SIAH3: variants seen among roughly 807,000 people sequenced by gnomAD.
SIAH3 encodes seven in absentia homolog 3.
SIAH3 carries 9 observed loss-of-function variants against 12.6 expected under a neutral mutation model. The ratio of observed to expected loss-of-function variants is 0.72; its 90% CI spans 0.43 to 1.25. The LOEUF (loss-of-function observed/expected upper bound fraction) is 1.25. SIAH3 is among the 50% of genes most tolerant of loss of function. The pLI is 0.00. For missense variants in SIAH3, 390 were observed against 365.4 expected (o/e 1.07, Z -0.55); for synonymous variants, 154 against 151.1 (o/e 1.02, Z -0.14).
At chr13:45,842,677 A>G (rs1950744550) in intron 1 of SIAH3, among the ~76,000 whole-genome samples, 1 of 152,146 alleles carries the variant, frequency 6.6e-6, no homozygotes, top group Non-Finnish European at 1.5e-5. Flanking sequence ...TCTTTACAAC[A>G]ACCATTTTAT....
At chr13:45,796,205 G>C (rs1950562014) in intron 1 of SIAH3, among the ~76,000 whole-genome samples, 1 of 152,070 alleles carries the variant, frequency 6.6e-6, no homozygotes, top group Admixed American at 6.5e-5. Flanking sequence ...GACTAGACTT[G>C]AGATCTGTGT....
intron 1 of SIAH3, among the ~76,000 whole-genome samples, chr13:45,829,675 C>G (rs1232591179): frequency 6.6e-6 from 1 of 152,138 alleles, no homozygotes; most frequent in African/African-American, 2.4e-5. Flanking sequence ...CAGACCTGCG[C>G]TCCCGCCCCC....
At chr13:45,801,101 G>GGGT (rs1555257359) in intron 1 of SIAH3, among the ~76,000 whole-genome samples, 2 of 79,396 alleles carry the variant, frequency 2.5e-5, no homozygotes, top group South Asian at 7.5e-4. Flanking sequence ...GTGGCGGGGG[G>GGGT]GGGCATGGCT....
At chr13:45,801,385 C>T (rs576813219) in intron 1 of SIAH3, among the ~76,000 whole-genome samples, 9 of 152,088 alleles carry the variant, frequency 5.9e-5, no homozygotes, top group South Asian at 4.2e-4. Context: ...TGCTTTCCAC[C>T]GACTGATGAG....
intron 1 of SIAH3, among the ~76,000 whole-genome samples, chr13:45,842,105 T>C (rs1052022050): frequency 2.6e-5 from 4 of 152,218 alleles, no homozygotes; most frequent in African/African-American, 9.7e-5. Context: ...GCTTAAACAC[T>C]GTGTGCTTCA....
At chr13:45,839,447 T>C (rs1464684209) in intron 1 of SIAH3, among the ~76,000 whole-genome samples, 2 of 152,222 alleles carry the variant, frequency 1.3e-5, no homozygotes, top group Admixed American at 1.3e-4. Flanking sequence ...AACATGGTCA[T>C]AGAGCACAAA....
At chr13:45,829,989 T>C (rs572694452) in intron 1 of SIAH3, among the ~76,000 whole-genome samples, 16 of 152,322 alleles carry the variant, frequency 1.1e-4, no homozygotes, top group South Asian at 8.3e-4. Context: ...GAAAGAAGCA[T>C]GAACCATTTG....
chr13:45,851,555 T>A lies in SIAH3; in HGVS notation c.75A>T (p.Lys25Asn). 1 of 1,614,082 alleles carries A rather than the reference T, an allele frequency of 6.2e-7. No homozygotes were observed. The highest frequency in any genetic ancestry group is 2.2e-5 in the East Asian group (1 of 44,872). ...IHLRFQHYKA[K>N]RVFSAAGQLV... The stretch of plus-strand genomic sequence containing the variant: ...GTTGCCCGGCAGCGGAGAAAACCCG[T>A]TTAGCCTTGTAGTGCTGAAACCGGA... The change falls in exon 1 of 2, where the codon AAA becomes AAT. Residue 25 changes from lysine to asparagine, a missense_variant. Coordinates refer to ENST00000400405, the MANE Select transcript of SIAH3 (RefSeq NM_198849.3).
At chr13:45,821,572 G>A (rs1950655942) in intron 1 of SIAH3, among the ~76,000 whole-genome samples, 1 of 152,182 alleles carries the variant, frequency 6.6e-6, no homozygotes, top group African/African-American at 2.4e-5. Flanking sequence ...AAAATTTGGT[G>A]TCATAAAAAT....
intron 1 of SIAH3, among the ~76,000 whole-genome samples, chr13:45,835,153 C>A (rs965721337): frequency 2.6e-5 from 4 of 152,176 alleles, no homozygotes; most frequent in African/African-American, 7.2e-5. Context: ...AATATACTCA[C>A]AAACAAATCT....
At chr13:45,847,881 C>A (rs1167473013) in intron 1 of SIAH3, among the ~76,000 whole-genome samples, 1 of 152,122 alleles carries the variant, frequency 6.6e-6, no homozygotes, top group Non-Finnish European at 1.5e-5. Flanking sequence ...CCCAGACCGA[C>A]CCCTAGCACT....
chr13:45,790,318 A>T (rs75973613), intron 1 of SIAH3, among the ~76,000 whole-genome samples: 2,294 of 152,300 alleles, frequency 0.015, 76 homozygotes, highest in East Asian at 0.15. Flanking sequence ...AACTGTTTCA[A>T]ACCAAGATCT....
At chr13:45,809,366 C>A (rs1950608848) in intron 1 of SIAH3, among the ~76,000 whole-genome samples, 1 of 152,180 alleles carries the variant, frequency 6.6e-6, no homozygotes, top group Non-Finnish European at 1.5e-5. Context: ...GAATCAGAAT[C>A]TCTGGACATT....
At chr13:45,809,322 G>A (rs992352704) in intron 1 of SIAH3, among the ~76,000 whole-genome samples, 2 of 62,234 alleles carry the variant, frequency 3.2e-5, no homozygotes, top group East Asian at 8.4e-4. Context: ...ATCATTACAC[G>A]TGCTAGACAT....
At position 45,779,993 on chromosome 13, in the gene SIAH3, A is replaced by G. The variant is rs2137543993; in HGVS notation, c.*3390T>C. ...AAAAAAACCTCTGGCAGATGCCTGA[A>G]GTTCAGATACTGGTAACTCATTTTT... On this transcript the variant is annotated 3_prime_UTR_variant, in exon 2 of 2. Coordinates refer to ENST00000400405, the MANE Select transcript of SIAH3 (RefSeq NM_198849.3). 6.6e-6 allele frequency: 1 copy of G among 152,340 alleles called. No individual in the cohort carries two copies. Among genetic ancestry groups the G allele is most frequent in the Non-Finnish European group, 1.5e-5 (1 of 68,036 alleles). The allele number at this position is 152,340 out of a possible 1,614,324, so 9.4% of individuals were successfully genotyped here.
chr13:45,827,307 G>A (rs1270872780), intron 1 of SIAH3, among the ~76,000 whole-genome samples: 3 of 152,132 alleles, frequency 2.0e-5, no homozygotes, highest in African/African-American at 7.2e-5. Flanking sequence ...CAAACACGAG[G>A]CAGCAAATGC....
At chr13:45,846,837 G>A (rs1318142615) in intron 1 of SIAH3, among the ~76,000 whole-genome samples, 1 of 152,132 alleles carries the variant, frequency 6.6e-6, no homozygotes, top group African/African-American at 2.4e-5. Flanking sequence ...CCGGCACAGG[G>A]CTAACCAAAT....
intron 1 of SIAH3, among the ~76,000 whole-genome samples, chr13:45,815,431 C>T (rs1950631012): frequency 6.6e-6 from 1 of 152,130 alleles, no homozygotes; most frequent in Admixed American, 6.5e-5. Flanking sequence ...ATCAGCTCTT[C>T]CCTGGGTCTC....
intron 1 of SIAH3, among the ~76,000 whole-genome samples, chr13:45,814,581 T>G (rs887529127): frequency 6.6e-5 from 10 of 152,138 alleles, no homozygotes; most frequent in Non-Finnish European, 1.2e-4. Flanking sequence ...CTAGTAAGCT[T>G]CATTCTCTCT....
Sources: gnomAD v4.1 joint callset for allele counts (sites outside exome capture counted in the v4.1 genomes callset) on GRCh38, gnomAD v4.1.1 for gene constraint, MANE v1.5 for transcripts, NCBI Gene and HGNC (gene_info 2026-07-23, HGNC 2026-07-21) for gene names.